PLIN3: variants seen among roughly 807,000 people sequenced by gnomAD.
PLIN3 encodes the protein perilipin 3, also known as perilipin-3.
PLIN3 carries 30 observed loss-of-function variants against 35.9 expected under a neutral mutation model. The ratio of observed to expected loss-of-function variants is 0.84; its 90% CI spans 0.62 to 1.13. The LOEUF is 1.13. PLIN3 is among the 50% of genes most tolerant of loss of function. The probability of loss-of-function intolerance (pLI) is 0.00; values close to 1 mark genes in which losing one functional copy is unlikely to be tolerated. For missense variants in PLIN3, 603 were observed against 596.9 expected, an observed-to-expected ratio of 1.01 and a Z score of -0.11; for synonymous variants, 261 against 262.5, an observed-to-expected ratio of 0.99 and a Z score of 0.06.
At chr19:4,856,773 C>T (rs1454308988) in intron 4 of PLIN3, among the ~76,000 whole-genome samples, 2 of 149,284 alleles carry the variant, frequency 1.3e-5, no homozygotes, top group African/African-American at 4.9e-5. Context: ...GGCACGATCT[C>T]GGCTCACTGC....
chr19:4,847,500 C>T (rs984289673), intron 6 of PLIN3, among the ~76,000 whole-genome samples, 191 bp downstream of exon 6: 4 of 152,018 alleles, frequency 2.6e-5, no homozygotes, highest in South Asian at 2.1e-4. Context: ...CCACTGTGCC[C>T]GGCCCCAGAC....
At chr19:4,863,185 C>T (rs1322946896) in intron 1 of PLIN3, among the ~76,000 whole-genome samples, 1 of 146,536 alleles carries the variant, frequency 6.8e-6, no homozygotes, top group African/African-American at 2.5e-5. Flanking sequence ...TAAGTGTATC[C>T]CAATGCAGTG....
chr19:4,847,123 C>A (rs577798461), intron 6 of PLIN3, among the ~76,000 whole-genome samples: 246 of 151,480 alleles, frequency 1.6e-3, no homozygotes, highest in African/African-American at 5.8e-3. Flanking sequence ...CTCCTGACCT[C>A]GTGATCCACC....
chr19:4,842,320 T>A (rs1192740476), intron 7 of PLIN3, among the ~76,000 whole-genome samples: 1 of 151,814 alleles, frequency 6.6e-6, no homozygotes, highest in African/African-American at 2.4e-5. Context: ...TCCCAGCTAC[T>A]TGGGAGACTG....
intron 1 of PLIN3, among the ~76,000 whole-genome samples, chr19:4,866,261 G>A (rs553828013): frequency 1.3e-5 from 2 of 152,056 alleles, no homozygotes; most frequent in Non-Finnish European, 2.9e-5. Context: ...CAAATGATCC[G>A]CCCACCTCAG....
At chr19:4,851,473 A>G (rs150289003) in intron 5 of PLIN3, among the ~76,000 whole-genome samples, 14 of 152,152 alleles carry the variant, frequency 9.2e-5, no homozygotes, top group African/African-American at 3.1e-4. Flanking sequence ...CTAAATAAAT[A>G]AATAAATTAA....
At chr19:4,852,351 C>A (rs1414698478) in intron 4 of PLIN3, 50 bp from the exon 5 acceptor site, 3 of 1,570,210 alleles carry the variant, frequency 1.9e-6, no homozygotes, top group Non-Finnish European at 1.7e-6. Context: ...CATATCTGGG[C>A]ACCCCTCCCC....
Position 4,859,654 on chromosome 19 carries a change from T to A in PLIN3, c.284A>T (p.Tyr95Phe), listed in dbSNP as rs1442669100. The A allele has an allele frequency of 1.2e-6, 2 of 1,614,130 alleles. No individual in the cohort carries two copies. Among genetic ancestry groups the A allele is most frequent in the Non-Finnish European group, 1.7e-6 (2 of 1,180,006 alleles). Residue 95 changes from tyrosine (Y) to phenylalanine (F), a missense_variant, in exon 4 of 8, where the codon TAC becomes TTC. Transcript: ENST00000221957. ...LEPQIASASE[Y>F]AHRGLDKLEE... Reference sequence around the variant, plus strand: ...CAACTTGTCCAGCCCCCTGTGGGCGTATTCGCTGGCTGATGCAACTGCCAA... The same window carrying A: ...CAACTTGTCCAGCCCCCTGTGGGCGAATTCGCTGGCTGATGCAACTGCCAA...
intron 4 of PLIN3, among the ~76,000 whole-genome samples, chr19:4,856,774 G>A (rs1315106048): frequency 1.4e-5 from 2 of 147,602 alleles, no homozygotes; most frequent in African/African-American, 2.5e-5. Flanking sequence ...GCACGATCTC[G>A]GCTCACTGCA....
intron 7 of PLIN3, among the ~76,000 whole-genome samples, chr19:4,840,905 A>G (rs1355840675): frequency 2.0e-5 from 3 of 152,168 alleles, no homozygotes; most frequent in African/African-American, 4.8e-5. Context: ...AGATCATGCC[A>G]TTGCACTCCA....
intron 1 of PLIN3, among the ~76,000 whole-genome samples, chr19:4,866,413 T>C (rs1282995340): frequency 6.6e-6 from 1 of 152,070 alleles, no homozygotes; most frequent in East Asian, 1.9e-4. Flanking sequence ...ATCTGTGAAA[T>C]GTGTATAAGT....
At chr19:4,844,833 C>G in intron 6 of PLIN3, 40 bp from the exon 7 acceptor site, 1 of 1,543,646 alleles carries the variant, frequency 6.5e-7, no homozygotes, top group Non-Finnish European at 8.7e-7. Context: ...GGAGGCTCCC[C>G]TGGGAGAGAC....
intron 2 of PLIN3, 62 bp from the exon 3 acceptor site, chr19:4,860,086 C>T: frequency 2.0e-6 from 3 of 1,478,146 alleles, no homozygotes; most frequent in Non-Finnish European, 2.8e-6. Flanking sequence ...CAGCCGGAAA[C>T]TCAGGGTGCC....
At chr19:4,855,594 G>C (rs1047775273) in intron 4 of PLIN3, among the ~76,000 whole-genome samples, 2 of 152,072 alleles carry the variant, frequency 1.3e-5, no homozygotes, top group African/African-American at 4.8e-5. Flanking sequence ...CCAGGAGTTT[G>C]TTTTTTGTTT....
At chr19:4,853,213 A>G (rs2030362671) in intron 4 of PLIN3, among the ~76,000 whole-genome samples, 1 of 151,498 alleles carries the variant, frequency 6.6e-6, no homozygotes, top group Non-Finnish European at 1.5e-5. Flanking sequence ...GGCTCACTAC[A>G]AACTCCACCT....
intron 7 of PLIN3, 97 bp downstream of exon 7, chr19:4,844,571 A>T: frequency 7.7e-7 from 1 of 1,303,112 alleles, no homozygotes; most frequent in Non-Finnish European, 1.0e-6. Flanking sequence ...AGGCTAGGGA[A>T]ATCATTCGAA....
chr19:4,846,685 C>T (rs925600301), intron 6 of PLIN3, among the ~76,000 whole-genome samples: 4 of 151,736 alleles, frequency 2.6e-5, no homozygotes, highest in East Asian at 1.9e-4. Context: ...GGCAACAGAG[C>T]GAGACTCCGT....
In PLIN3 at chr19:4,838,745, T is replaced by A. The variant is rs2093624040; in HGVS notation, c.*447A>T. 6.6e-6 allele frequency: 1 copy of A among 151,624 alleles called. No homozygotes were observed. Among genetic ancestry groups the A allele is most frequent in the Admixed American group, 6.6e-5 (1 of 15,110 alleles). The allele number at this position is 151,624 out of a possible 1,614,324, so 9.4% of individuals were successfully genotyped here. A position where few individuals can be genotyped will look rare whatever the true frequency, so the allele number is the denominator to read the frequency against. On this transcript the variant is annotated 3_prime_UTR_variant, in exon 8 of 8. Coordinates refer to ENST00000221957, the MANE Select transcript of PLIN3 (RefSeq NM_005817.5). ...ACACCTGCTACCATGCCCGGCTCAT[T>A]TTTTTTTGTATTTTTAGTAGAGACG...
chr19:4,859,504 G>T, intron 4 of PLIN3, 86 bp downstream of exon 4: 1 of 1,131,740 alleles, frequency 8.8e-7, no homozygotes, highest in Non-Finnish European at 1.3e-6. Flanking sequence ...ATGCCATCAA[G>T]CTTGTCTAGT....
Sources: allele counts gnomAD v4.1 joint callset (sites outside exome capture counted in the v4.1 genomes callset), GRCh38; gene constraint gnomAD v4.1.1; transcripts MANE v1.5; gene names NCBI Gene and HGNC (gene_info 2026-07-23, HGNC 2026-07-21).